The following ZMAT4 variants were observed in gnomAD, a reference collection of about 807,000 sequenced individuals.
ZMAT4 encodes the protein zinc finger matrin-type 4, also known as zinc finger matrin-type protein 4.
In ZMAT4, 17 loss-of-function variants were observed where a neutral mutation model predicts 28.7. The observed-to-expected ratio is 0.59, with a 90% CI of 0.41 to 0.89. The LOEUF is 0.89. Ranked by LOEUF, ZMAT4 falls within the 40% of genes least tolerant of loss-of-function variation. The pLI is 0.00. For missense variants in ZMAT4, 240 were observed against 283.8 expected (o/e 0.85, Z 1.11); for synonymous variants, 117 against 109.2 (o/e 1.07, Z -0.44).
intron 3 of ZMAT4, among the ~76,000 whole-genome samples, chr8:40,747,454 G>C (rs2150542522): frequency 6.6e-6 from 1 of 152,056 alleles, no homozygotes; most frequent in South Asian, 2.1e-4. Flanking sequence ...ATATTCCTTG[G>C]TTATGATTCG....
At chr8:40,687,796 A>T (rs1809480764) in intron 4 of ZMAT4, among the ~76,000 whole-genome samples, 1 of 152,200 alleles carries the variant, frequency 6.6e-6, no homozygotes, top group Non-Finnish European at 1.5e-5. Flanking sequence ...AGGCATTAAG[A>T]TTTCATCTGC....
At chr8:40,870,890 A>G (rs138374766) in intron 1 of ZMAT4, among the ~76,000 whole-genome samples, 44 of 152,346 alleles carry the variant, frequency 2.9e-4, no homozygotes, top group Non-Finnish European at 4.7e-4. Context: ...TGGAGCCACA[A>G]TGTCAGCAGC....
At chr8:40,622,432 A>G (rs1806234623) in intron 5 of ZMAT4, among the ~76,000 whole-genome samples, 1 of 152,198 alleles carries the variant, frequency 6.6e-6, no homozygotes, top group African/African-American at 2.4e-5. Flanking sequence ...AGTTACGGAG[A>G]AAAAAGAACA....
At chr8:40,663,652 C>T (rs555352641) in intron 5 of ZMAT4, among the ~76,000 whole-genome samples, 1 of 152,262 alleles carries the variant, frequency 6.6e-6, no homozygotes, top group Admixed American at 6.5e-5. Context: ...AATGTGGGCT[C>T]TGAAGATCAG....
At chr8:40,816,516 C>T (rs746194363) in intron 2 of ZMAT4, among the ~76,000 whole-genome samples, 4 of 152,090 alleles carry the variant, frequency 2.6e-5, no homozygotes, top group Non-Finnish European at 4.4e-5. Flanking sequence ...ATGACATTGG[C>T]TTGGCAGGTG....
rs190095983 is a variant in ZMAT4, at chr8:40,853,550, C to T, written c.-4-27870G>A. ...CAGCCCGAGTGACAGTGCAAGACTC[C>T]GTCTCAAAAAAATAAATAAATAAAA... On this transcript the variant is annotated intron_variant, in intron 1 of 6. Coordinates refer to ENST00000297737, the MANE Select transcript of ZMAT4 (RefSeq NM_024645.3). 7.9e-3 allele frequency among the ~76,000 whole-genome samples: 1,205 copies of T among 152,192 alleles called. 6 individuals are homozygous for T. The highest frequency in any genetic ancestry group is 0.012 in the Non-Finnish European group (849 of 68,014).
intron 1 of ZMAT4, among the ~76,000 whole-genome samples, chr8:40,865,923 A>T (rs1251625076): frequency 6.6e-6 from 1 of 152,220 alleles, no homozygotes; most frequent in African/African-American, 2.4e-5. Context: ...CTCAAAAGAA[A>T]AGAGAGCTAC....
At chr8:40,575,366 G>T (rs117968440) in intron 6 of ZMAT4, among the ~76,000 whole-genome samples, 2,739 of 152,112 alleles carry the variant, frequency 0.018, 28 homozygotes, top group Middle Eastern at 0.085. Flanking sequence ...CCTATGCCTT[G>T]GGCTAGAGAA....
At chr8:40,539,946 G>C (rs1410163418) in intron 6 of ZMAT4, among the ~76,000 whole-genome samples, 2 of 152,218 alleles carry the variant, frequency 1.3e-5, no homozygotes, top group Non-Finnish European at 2.9e-5. Flanking sequence ...TGTGTGATCA[G>C]AGGGTTGAGG....
At chr8:40,784,429 C>T (rs1212604658) in intron 2 of ZMAT4, among the ~76,000 whole-genome samples, 1 of 152,098 alleles carries the variant, frequency 6.6e-6, no homozygotes, top group African/African-American at 2.4e-5. Flanking sequence ...TCTCTCCATA[C>T]AGGTTATATG....
chr8:40,574,720 G>A (rs758248533), intron 6 of ZMAT4, among the ~76,000 whole-genome samples: 4 of 152,276 alleles, frequency 2.6e-5, no homozygotes, highest in East Asian at 1.9e-4. Context: ...TCTCCATCAC[G>A]TTTGACTCAG....
intron 2 of ZMAT4, among the ~76,000 whole-genome samples, chr8:40,816,427 G>A (rs10481311): frequency 6.6e-6 from 1 of 151,944 alleles, no homozygotes; most frequent in Non-Finnish European, 1.5e-5. Flanking sequence ...GAAAGTGTTT[G>A]TTGCCAGAAT....
At chr8:40,862,312 T>A (rs1817523102) in intron 1 of ZMAT4, among the ~76,000 whole-genome samples, 1 of 149,248 alleles carries the variant, frequency 6.7e-6, no homozygotes, top group Admixed American at 6.8e-5. Flanking sequence ...CAGCAAATTA[T>A]CGCAAGGACA....
At chr8:40,755,494 C>A (rs1812640582) in intron 3 of ZMAT4, among the ~76,000 whole-genome samples, 1 of 152,110 alleles carries the variant, frequency 6.6e-6, no homozygotes, top group African/African-American at 2.4e-5. Context: ...ACTCTGTCAC[C>A]CAGGCTGGAG....
Position 40,586,419 on chromosome 8 carries a change from T to C in ZMAT4, c.578-5158A>G, listed in dbSNP as rs369668936. Among the ~76,000 whole-genome samples, 6 of 152,110 alleles carry C rather than the reference T, an allele frequency of 3.9e-5. No individual in the cohort carries two copies. In the East Asian group the frequency reaches 7.7e-4, roughly 20 times the overall value. ...CTACCTGCAAGGACCTGTCAGACAA[T>C]CCAGTTGGAGACAGAAAACAGATAT... On this transcript the variant is annotated intron_variant, in intron 5 of 6. Transcript: ENST00000297737.
chr8:40,683,819 C>G (rs540655531), intron 4 of ZMAT4, among the ~76,000 whole-genome samples: 1 of 152,086 alleles, frequency 6.6e-6, no homozygotes, highest in Non-Finnish European at 1.5e-5. Flanking sequence ...AATTCCAGAA[C>G]TTCAAGAGGC....
At chr8:40,738,581 G>A (rs1358913389) in intron 3 of ZMAT4, among the ~76,000 whole-genome samples, 1 of 152,230 alleles carries the variant, frequency 6.6e-6, no homozygotes, top group Non-Finnish European at 1.5e-5. Flanking sequence ...AAGTAGGAAT[G>A]TGCTAACACT....
chr8:40,594,551 C>G (rs1805025133), intron 5 of ZMAT4, among the ~76,000 whole-genome samples: 1 of 152,224 alleles, frequency 6.6e-6, no homozygotes, highest in African/African-American at 2.4e-5. Flanking sequence ...AATAATTGTA[C>G]CTACTCAAAG....
chr8:40,874,721 G>A (rs549097964), intron 1 of ZMAT4, among the ~76,000 whole-genome samples: 8 of 152,216 alleles, frequency 5.3e-5, no homozygotes, highest in African/African-American at 1.7e-4. Flanking sequence ...CACCTGGATG[G>A]TTTCTGGCTA....
Sources: gnomAD v4.1 joint callset for allele counts (sites outside exome capture counted in the v4.1 genomes callset) on GRCh38, gnomAD v4.1.1 for gene constraint, MANE v1.5 for transcripts, NCBI Gene and HGNC (gene_info 2026-07-23, HGNC 2026-07-21) for gene names.